Variants in SPAG16 observed in about 807,000 individuals in gnomAD.
SPAG16 encodes the protein sperm associated antigen 16.
Under a neutral mutation model 80.4 loss-of-function variants are expected in SPAG16, and 86 were observed. The ratio of observed to expected loss-of-function variants is 1.07; its 90% CI spans 0.90 to 1.28. The LOEUF is 1.28. Ranked by LOEUF, SPAG16 falls within the 50% of genes most tolerant of loss-of-function variation. The pLI is 0.00. For missense variants in SPAG16, 870 were observed against 765.3 expected, an observed-to-expected ratio of 1.14 and a Z score of -1.61; for synonymous variants, 294 against 265.9, an observed-to-expected ratio of 1.11 and a Z score of -1.03.
intron 13 of SPAG16, among the ~76,000 whole-genome samples, chr2:214,089,433 A>C (rs1004848835): frequency 1.3e-5 from 2 of 152,080 alleles, no homozygotes; most frequent in Non-Finnish European, 2.9e-5. Flanking sequence ...AAACACTTTC[A>C]TCATTCTCCT....
intron 10 of SPAG16, among the ~76,000 whole-genome samples, chr2:213,534,777 C>T (rs1007763242): frequency 3.3e-5 from 5 of 152,068 alleles, no homozygotes; most frequent in Admixed American, 2.0e-4. Flanking sequence ...CACAAATCAA[C>T]AAACGCTACT....
At chr2:213,911,066 T>A (rs989603638) in intron 11 of SPAG16, among the ~76,000 whole-genome samples, 4 of 151,140 alleles carry the variant, frequency 2.6e-5, no homozygotes, top group Non-Finnish European at 5.9e-5. Flanking sequence ...TACATTTCTT[T>A]AAAAAAAAAG....
At chr2:213,377,881 GTATA>G (rs1196316655) in intron 9 of SPAG16, among the ~76,000 whole-genome samples, 6 of 101,094 alleles carry the variant, frequency 5.9e-5, no homozygotes, top group Admixed American at 2.0e-4. Flanking sequence ...AATAGGATGT[GTATA>G]TATATATATA....
intron 9 of SPAG16, among the ~76,000 whole-genome samples, chr2:213,439,622 G>T (rs1575592583): frequency 6.6e-6 from 1 of 152,148 alleles, no homozygotes; most frequent in South Asian, 2.1e-4. Context: ...AATGAAAGAG[G>T]AGTAAGATAA....
chr2:214,182,540 A>G (rs1445837066), intron 15 of SPAG16, among the ~76,000 whole-genome samples: 1 of 151,978 alleles, frequency 6.6e-6, no homozygotes, highest in East Asian at 1.9e-4. Context: ...GTATTTTATA[A>G]TAGGGATGAA....
chr2:213,348,153 C>T (rs901578499), intron 6 of SPAG16, among the ~76,000 whole-genome samples: 4 of 152,120 alleles, frequency 2.6e-5, no homozygotes, highest in Admixed American at 2.0e-4. Flanking sequence ...TTCTTTGTCT[C>T]TTCTGATCTT....
chr2:213,736,227 G>T (rs1349513332), intron 10 of SPAG16, among the ~76,000 whole-genome samples: 1 of 152,020 alleles, frequency 6.6e-6, no homozygotes, highest in Non-Finnish European at 1.5e-5. Flanking sequence ...AAAATGTTTT[G>T]GGATTATCAT....
rs192586641 is a variant in SPAG16 at position 213,606,439 on chromosome 2, T to C, written c.1070+116349T>C. Among the ~76,000 whole-genome samples the C allele has an allele frequency of 3.3e-3, 502 of 152,360 alleles. 7 individuals carry two copies. The highest frequency in any genetic ancestry group is 6.8e-3 in the Middle Eastern group (2 of 294). ...CATTATTAGTCCTCTCAATTATAGC[T>C]ATTTTACTGATTTATATTGATATCT... On this transcript the variant is annotated intron_variant, in intron 10 of 15. Coordinates refer to ENST00000331683, the MANE Select transcript of SPAG16 (RefSeq NM_024532.5).
intron 14 of SPAG16, among the ~76,000 whole-genome samples, chr2:214,133,324 C>T (rs2054880402): frequency 1.3e-5 from 2 of 152,076 alleles, no homozygotes; most frequent in South Asian, 4.2e-4. Flanking sequence ...TGCCAGAAGT[C>T]CTCTGGGAAG....
chr2:213,316,856 T>G (rs1425304510), intron 4 of SPAG16, among the ~76,000 whole-genome samples: 2 of 151,992 alleles, frequency 1.3e-5, no homozygotes, highest in African/African-American at 2.4e-5. Flanking sequence ...TCCACCTCAT[T>G]CTTCCTATAT....
At chr2:213,783,195 A>C (rs985925993) in intron 10 of SPAG16, among the ~76,000 whole-genome samples, 1 of 151,078 alleles carries the variant, frequency 6.6e-6, no homozygotes, top group African/African-American at 2.4e-5. Context: ...ATGGTTTCCA[A>C]TTTCATCCAT....
chr2:214,375,498 G>C (rs962472241), intron 15 of SPAG16, among the ~76,000 whole-genome samples: 1 of 152,012 alleles, frequency 6.6e-6, no homozygotes, highest in African/African-American at 2.4e-5. Flanking sequence ...ACCAGTATGA[G>C]AGTGCACGCT....
intron 10 of SPAG16, among the ~76,000 whole-genome samples, chr2:213,837,962 A>G (rs2074173936): frequency 6.6e-6 from 1 of 152,164 alleles, no homozygotes; most frequent in Admixed American, 6.5e-5. Flanking sequence ...TTAAGATGCC[A>G]AAGAGGCATA....
intron 9 of SPAG16, among the ~76,000 whole-genome samples, chr2:213,430,384 T>C (rs1220350588): frequency 6.6e-6 from 1 of 152,230 alleles, no homozygotes; most frequent in Non-Finnish European, 1.5e-5. Context: ...CTGTGGCCCA[T>C]GGGCTGCATG....
chr2:213,836,867 G>C (rs1173381444), intron 10 of SPAG16, among the ~76,000 whole-genome samples: 2 of 152,112 alleles, frequency 1.3e-5, no homozygotes, highest in Non-Finnish European at 2.9e-5. Context: ...CCCGGTCTCA[G>C]CCTCCCAAAG....
intron 9 of SPAG16, among the ~76,000 whole-genome samples, chr2:213,448,797 C>T (rs1402189969): frequency 6.6e-6 from 1 of 152,142 alleles, no homozygotes; most frequent in Non-Finnish European, 1.5e-5. Flanking sequence ...TACATCACCT[C>T]AGGACCACTG....
At chr2:213,877,733 A>G (rs572612400) in intron 11 of SPAG16, among the ~76,000 whole-genome samples, 1 of 152,052 alleles carries the variant, frequency 6.6e-6, no homozygotes, top group African/African-American at 2.4e-5. Flanking sequence ...CTGAAAAACT[A>G]TTGTCATCTG....
At chr2:213,550,373 T>G (rs2076744786) in intron 10 of SPAG16, among the ~76,000 whole-genome samples, 1 of 152,126 alleles carries the variant, frequency 6.6e-6, no homozygotes, top group African/African-American at 2.4e-5. Context: ...AATTATGCGC[T>G]TTTAATGTAT....
intron 15 of SPAG16, among the ~76,000 whole-genome samples, chr2:214,394,400 G>A (rs1275651614): frequency 1.3e-5 from 2 of 151,996 alleles, no homozygotes; most frequent in Non-Finnish European, 1.5e-5. Flanking sequence ...TCACAATTGA[G>A]AGAAGACACT....
Sources: gnomAD v4.1 joint callset for allele counts (sites outside exome capture counted in the v4.1 genomes callset) on GRCh38, gnomAD v4.1.1 for gene constraint, MANE v1.5 for transcripts, NCBI Gene and HGNC (gene_info 2026-07-23, HGNC 2026-07-21) for gene names.